Variants in SLC6A17 observed in about 807,000 individuals in gnomAD.
The protein encoded by SLC6A17 is sodium-dependent neutral amino acid transporter SLC6A17.
A neutral mutation model predicts 64.5 loss-of-function variants in SLC6A17; 21 were observed. The ratio of observed to expected loss-of-function variants is 0.33; its 90% CI spans 0.23 to 0.47. The LOEUF is 0.47. SLC6A17 is among the 20% of genes least tolerant of loss of function. The pLI is 1.00. For synonymous variants in SLC6A17, 372 were observed against 399.5 expected (o/e 0.93, Z 0.82); for missense variants, 682 against 963.2 (o/e 0.71, Z 3.86).
intron 6 of SLC6A17, among the ~76,000 whole-genome samples, chr1:110,184,170 G>A (rs994736744): frequency 5.9e-5 from 9 of 152,126 alleles, no homozygotes; most frequent in African/African-American, 1.7e-4. Flanking sequence ...GAGTGCAGTG[G>A]CGTGATCTTG....
chr1:110,186,452 A>AC (rs1656686345), intron 6 of SLC6A17, among the ~76,000 whole-genome samples: 1 of 100,160 alleles, frequency 1.0e-5, no homozygotes, highest in Non-Finnish European at 2.1e-5. Context: ...TACCAAAAAA[A>AC]AAAAAAAAGG....
intron 6 of SLC6A17, chr1:110,178,757 C>A (rs1020439335): frequency 6.6e-5 from 10 of 152,216 alleles, no homozygotes; most frequent in African/African-American, 2.4e-4. Context: ...TCACTTGAGC[C>A]TCTTTTTATA....
chr1:110,162,444 G>C (rs981583817), intron 1 of SLC6A17, among the ~76,000 whole-genome samples: 1 of 152,254 alleles, frequency 6.6e-6, no homozygotes, highest in East Asian at 1.9e-4. Context: ...GGAAAACTGA[G>C]ATCCGGAGAA....
rs1324832642 is a variant in SLC6A17 at position 110,192,466 on chromosome 1, C to A, written c.1107-40C>A. 4 of 1,579,610 alleles carry A rather than the reference C, an allele frequency of 2.5e-6. No homozygotes were observed. The highest frequency in any genetic ancestry group is 3.4e-6 in the Non-Finnish European group (4 of 1,161,796). ...CTCCAGGATCTCACCCATTGCCCAC[C>A]CCTGCCTTCTTACCTGGTCCTCTCG... On this transcript the variant is annotated intron_variant, in intron 7 of 11. Coordinates refer to ENST00000331565, the MANE Select transcript of SLC6A17 (RefSeq NM_001010898.4). This position sits in a 1 kb window ranked among gnomAD's most constrained non-coding sequence, Gnocchi z 4.3.
At chr1:110,191,827 G>A in intron 6 of SLC6A17, 145 bp from the exon 7 acceptor site, 5 of 1,339,580 alleles carry the variant, frequency 3.7e-6, no homozygotes, top group Non-Finnish European at 5.0e-6. Context: ...GAGGAGTAGG[G>A]AAATTGCCCA....
chr1:110,194,911 C>T, intron 9 of SLC6A17, 140 bp downstream of exon 9: 1 of 1,041,376 alleles, frequency 9.6e-7, no homozygotes. Context: ...TGGAGCCTGG[C>T]TGTGCCACTC....
intron 2 of SLC6A17, among the ~76,000 whole-genome samples, chr1:110,171,093 G>A (rs1656211823): frequency 6.6e-6 from 1 of 152,188 alleles, no homozygotes; most frequent in Non-Finnish European, 1.5e-5. Context: ...GGCACACGTT[G>A]GTGAACATGT....
At chr1:110,187,345 T>C (rs1656712458) in intron 6 of SLC6A17, among the ~76,000 whole-genome samples, 2 of 152,200 alleles carry the variant, frequency 1.3e-5, no homozygotes, top group Admixed American at 1.3e-4. Context: ...TTACGGAAGA[T>C]GGAAGTGAGG....
At chr1:110,168,596 G>A (rs1232656282) in intron 2 of SLC6A17, among the ~76,000 whole-genome samples, 2 of 152,190 alleles carry the variant, frequency 1.3e-5, no homozygotes, top group African/African-American at 4.8e-5. Context: ...TGTAAGACTA[G>A]CCCAAAGCAA....
At chr1:110,161,084 G>A (rs1655896106) in intron 1 of SLC6A17, among the ~76,000 whole-genome samples, 1 of 152,200 alleles carries the variant, frequency 6.6e-6, no homozygotes, top group Admixed American at 6.5e-5. Context: ...TGGGCCAGCA[G>A]CATCCAGGGG....
rs1657100741 is a variant in SLC6A17, at chr1:110,200,654, A to C, written c.*2210A>C. On this transcript the variant is annotated 3_prime_UTR_variant, in exon 12 of 12. Transcript: ENST00000331565. ...TAATTTTGTAGCGTGTGGCTGGGCCAGGCCCCAGCGGGAGGGGCTGAGCTG... is the reference window on the plus strand; with the variant it reads ...TAATTTTGTAGCGTGTGGCTGGGCCCGGCCCCAGCGGGAGGGGCTGAGCTG... 6.6e-6 allele frequency: 1 copy of C among 152,210 alleles called. No homozygotes were observed. The highest frequency in any genetic ancestry group is 1.5e-5 in the Non-Finnish European group (1 of 68,088). 9.4% of individuals were successfully genotyped at this position (152,210 alleles called of 1,614,324 possible).
At chr1:110,163,799 G>A (rs899001145) in intron 1 of SLC6A17, among the ~76,000 whole-genome samples, 5 of 152,158 alleles carry the variant, frequency 3.3e-5, no homozygotes, top group African/African-American at 1.2e-4. Flanking sequence ...TCCCAGGGCT[G>A]TTTCCTTTTT....
chr1:110,166,499 G>T (rs1296060986), intron 1 of SLC6A17, among the ~76,000 whole-genome samples: 2 of 152,246 alleles, frequency 1.3e-5, no homozygotes, highest in African/African-American at 4.8e-5. Flanking sequence ...AAGGCTGTAT[G>T]GGCCTCCAAA....
At position 110,176,616 on chromosome 1, in the gene SLC6A17, G is replaced by T. The variant is rs1175440678; in HGVS notation, c.754-13G>T. The T allele has an allele frequency of 6.2e-7, 1 of 1,613,410 alleles. No individual in the cohort carries two copies. The highest frequency in any genetic ancestry group is 8.5e-7 in the Non-Finnish European group (1 of 1,179,482). ...GGGCTCTGCCTGATGGGGGTTCCCT[G>T]TCCTCTCTGCAGGTGATGTATTTCA... On this transcript the variant is annotated splice_polypyrimidine_tract_variant and intron_variant, in intron 5 of 11. Coordinates refer to ENST00000331565, the MANE Select transcript of SLC6A17 (RefSeq NM_001010898.4).
At chr1:110,170,433 G>A (rs1656189946) in intron 2 of SLC6A17, among the ~76,000 whole-genome samples, 1 of 152,178 alleles carries the variant, frequency 6.6e-6, no homozygotes, top group Non-Finnish European at 1.5e-5. Flanking sequence ...GCAGTGAGCC[G>A]AGATCGCGCC....
chr1:110,168,393 T>G (rs916140019), intron 2 of SLC6A17, among the ~76,000 whole-genome samples: 1 of 152,270 alleles, frequency 6.6e-6, no homozygotes. Context: ...TCCTTTCCAG[T>G]TTCTTTTGAA....
At chr1:110,154,986 C>T (rs1407863504) in intron 1 of SLC6A17, among the ~76,000 whole-genome samples, 1 of 152,136 alleles carries the variant, frequency 6.6e-6, no homozygotes, top group African/African-American at 2.4e-5. Flanking sequence ...CACACGTGTC[C>T]GTGGCCGTTC....
intron 6 of SLC6A17, 21 bp from the exon 7 acceptor site, chr1:110,191,951 T>C (rs143153471): frequency 4.4e-4 from 700 of 1,608,400 alleles, no homozygotes; most frequent in Admixed American, 1.2e-3. Context: ...TTCTTCCTCC[T>C]GCCTTGGTCT....
rs55986433 is a variant in SLC6A17 at position 110,186,445 on chromosome 1, CA to C, written c.865-5512del. Among the ~76,000 whole-genome samples, 164 of 87,940 alleles carry C rather than the reference CA, an allele frequency of 1.9e-3. 1 individual carries two copies. The highest frequency in any genetic ancestry group is 0.011 in the South Asian group (32 of 2,902). The allele number at this position is 87,940 out of a possible 152,430, so 57.7% of individuals were successfully genotyped here. A position where few individuals can be genotyped will look rare whatever the true frequency, so the allele number is the denominator to read the frequency against. ...CATAGATAAAAAAGGAAATAATTAC[CA>C]AAAAAAAAAAAAAAGGAAAGAGAAG... is the stretch of plus-strand genomic sequence containing the variant. On this transcript the variant is annotated intron_variant, in intron 6 of 11. Transcript: ENST00000331565.
Sources: gnomAD v4.1 joint callset for allele counts (sites outside exome capture counted in the v4.1 genomes callset) on GRCh38, gnomAD v4.1.1 for gene constraint, Gnocchi (gnomAD v3.1) non-coding constraint, MANE v1.5 for transcripts, NCBI Gene and HGNC (gene_info 2026-07-23, HGNC 2026-07-21) for gene names.